Variants in CASZ1 observed in about 807,000 individuals in gnomAD.
CASZ1 encodes castor zinc finger 1, also known as zinc finger protein castor homolog 1.
CASZ1 carries 28 observed loss-of-function variants against 135.2 expected under a neutral mutation model. That is an observed-to-expected ratio of 0.21 (90% CI 0.15 to 0.28). The LOEUF (loss-of-function observed/expected upper bound fraction) is 0.28. CASZ1 is among the 10% of genes least tolerant of loss of function. CASZ1 has a pLI of 1.00. For synonymous variants in CASZ1, 1,068 were observed against 1,073.4 expected (o/e 0.99, Z 0.10); for missense variants, 2,161 against 2,453.3 (o/e 0.88, Z 2.52).
Position 10,756,313 on chromosome 1 carries a change from C to T in CASZ1, c.-77+4388G>A, listed in dbSNP as rs185507621. ...ACATCCCCGATGCACCCCCCACCCT[C>T]GCCCCCGCAAGACATCACCGGCCCT... On this transcript the variant is annotated intron_variant, in intron 2 of 20. Coordinates refer to ENST00000377022, the MANE Select transcript of CASZ1 (RefSeq NM_001079843.3). This position sits in a 1 kb window ranked among gnomAD's most constrained non-coding sequence, Gnocchi z 5.9. Among the ~76,000 whole-genome samples, 2 of 152,308 alleles carry T rather than the reference C, an allele frequency of 1.3e-5. No homozygotes were observed. Among genetic ancestry groups the T allele is most frequent in the Admixed American group, 1.3e-4 (2 of 15,302 alleles).
Position 10,725,070 on chromosome 1 carries a change from G to C in CASZ1, c.-76-19526C>G, listed in dbSNP as rs146674281. 0.014 allele frequency among the ~76,000 whole-genome samples: 2,135 copies of C among 152,350 alleles called. 26 individuals carry two copies. The highest frequency in any genetic ancestry group is 0.023 in the Non-Finnish European group (1,533 of 68,016). ...ACGGAGGGAAGCAGCCCTCGCAGAC[G>C]TGCAGGTGGCTGTTCTTCCCTGGAG... On this transcript the variant is annotated intron_variant, in intron 2 of 20. Coordinates refer to ENST00000377022, the MANE Select transcript of CASZ1 (RefSeq NM_001079843.3). The surrounding 1 kb of genome is among the most constrained non-coding windows in gnomAD (Gnocchi z 4.4).
chr1:10,673,714 T>G (rs1284794537), intron 4 of CASZ1, among the ~76,000 whole-genome samples: 2 of 152,162 alleles, frequency 1.3e-5, no homozygotes, highest in Non-Finnish European at 2.9e-5. Context: ...GGCTCTCACC[T>G]CCAGCTCTAG....
intron 8 of CASZ1, 45 bp downstream of exon 8, chr1:10,656,601 T>A (rs755704649): frequency 7.1e-7 from 1 of 1,409,214 alleles, no homozygotes. Flanking sequence ...GCCTCCATGC[T>A]GTGCTGGTGG....
At chr1:10,658,866 C>G (rs996136419) in intron 6 of CASZ1, among the ~76,000 whole-genome samples, 3 of 152,202 alleles carry the variant, frequency 2.0e-5, no homozygotes, top group African/African-American at 7.2e-5. Context: ...ATTCAGGGAG[C>G]ATCAGGAGGC....
intron 17 of CASZ1, 142 bp from the exon 18 acceptor site, chr1:10,645,230 A>G: frequency 1.3e-6 from 1 of 761,462 alleles, no homozygotes; most frequent in Admixed American, 2.9e-5. Flanking sequence ...CACCTTTCAC[A>G]TGTTAAAAAG....
intron 2 of CASZ1, among the ~76,000 whole-genome samples, chr1:10,753,712 C>A (rs1357799013): frequency 5.3e-5 from 8 of 152,210 alleles, no homozygotes; most frequent in African/African-American, 1.7e-4. Flanking sequence ...TCCAGACAGA[C>A]CCCTCTGTGC....
intron 1 of CASZ1, among the ~76,000 whole-genome samples, chr1:10,771,221 T>C (rs1488074438): frequency 6.6e-6 from 1 of 151,652 alleles, no homozygotes; most frequent in East Asian, 1.9e-4. Flanking sequence ...GGCAGCTTGT[T>C]TTTCCCTTGA....
At chr1:10,702,717 A>G (rs1412656947) in intron 3 of CASZ1, among the ~76,000 whole-genome samples, 2 of 152,054 alleles carry the variant, frequency 1.3e-5, no homozygotes, top group African/African-American at 4.8e-5. Flanking sequence ...CCACTGCCCC[A>G]CCCCTGCCAG....
chr1:10,668,178 C>T (rs1397802844), intron 4 of CASZ1, among the ~76,000 whole-genome samples: 1 of 152,066 alleles, frequency 6.6e-6, no homozygotes, highest in South Asian at 2.1e-4. Flanking sequence ...AACAGGGGTG[C>T]GTTGGAGCTG....
intron 3 of CASZ1, among the ~76,000 whole-genome samples, chr1:10,702,961 G>A (rs201569480): frequency 8.1e-6 from 1 of 124,218 alleles, no homozygotes; most frequent in East Asian, 2.9e-4. Context: ...AGAGGGAGAG[G>A]CAGAGAGAGA....
chr1:10,714,786 CCTGT>C (rs1639347515), intron 2 of CASZ1, among the ~76,000 whole-genome samples: 1 of 152,212 alleles, frequency 6.6e-6, no homozygotes, highest in Non-Finnish European at 1.5e-5. Flanking sequence ...ATTTATTCCT[CCTGT>C]CTGTCTCCAG....
At chr1:10,744,397 C>CAGGGGAA (rs1639999931) in intron 2 of CASZ1, among the ~76,000 whole-genome samples, 2 of 129,076 alleles carry the variant, frequency 1.5e-5, no homozygotes, top group East Asian at 2.4e-4. Flanking sequence ...GTCCTGGGCA[C>CAGGGGAA]CACGAGCAGG....
intron 2 of CASZ1, among the ~76,000 whole-genome samples, chr1:10,758,585 G>A (rs760422499): frequency 9.9e-5 from 15 of 152,186 alleles, no homozygotes; most frequent in Non-Finnish European, 2.1e-4. Flanking sequence ...GTCTGCCTCA[G>A]CCTCCCAAAG....
intron 1 of CASZ1, among the ~76,000 whole-genome samples, chr1:10,773,860 G>A (rs1038679442): frequency 6.6e-6 from 1 of 152,246 alleles, no homozygotes; most frequent in Non-Finnish European, 1.5e-5. Flanking sequence ...GGGCTGATAT[G>A]CGCTGAGAAG....
At chr1:10,781,023 C>T (rs1640753749) in intron 1 of CASZ1, among the ~76,000 whole-genome samples, 1 of 152,186 alleles carries the variant, frequency 6.6e-6, no homozygotes, top group African/African-American at 2.4e-5. Context: ...AGGCAAGACC[C>T]TTCTCCTGCA....
chr1:10,681,943 T>A (rs1402204526), intron 4 of CASZ1, among the ~76,000 whole-genome samples: 2 of 152,208 alleles, frequency 1.3e-5, no homozygotes, highest in African/African-American at 4.8e-5. Context: ...CCCCAGTTGT[T>A]CGAACATTTC....
Position 10,653,859 on chromosome 1 carries a change from C to G in CASZ1, c.2198G>C (p.Ser733Thr), listed in dbSNP as rs1436125279. ...GGAGGCGCTCAGGCTGGAGTTCTTG[C>G]TGCTCAGGGCGGAGAAGTCAACAAG... ...DDLVDFSALS[S>T]KNSSLSASPT... Residue 733 changes from serine to threonine, a missense_variant, in exon 11 of 21, where the codon AGC (serine) becomes ACC (threonine). Around this residue, in one of 7 missense-constraint regions of CASZ1, gnomAD observed 406 missense variants for 387.6 expected, o/e 1.05. Coordinates refer to ENST00000377022, the MANE Select transcript of CASZ1 (RefSeq NM_001079843.3). 3.1e-6 allele frequency: 5 copies of G among 1,610,596 alleles called. No homozygotes were observed. Among genetic ancestry groups the G allele is most frequent in the Non-Finnish European group, 4.2e-6 (5 of 1,177,674 alleles).
Position 10,755,513 on chromosome 1 carries a change from C to A in CASZ1, c.-77+5188G>T, listed in dbSNP as rs1240194179. Among the ~76,000 whole-genome samples the A allele has an allele frequency of 3.3e-5, 5 of 152,146 alleles. No homozygotes were observed. The South Asian group carries it at 1.0e-3, about 32-fold the overall frequency. On this transcript the variant is annotated intron_variant, in intron 2 of 20. Coordinates refer to ENST00000377022, the MANE Select transcript of CASZ1 (RefSeq NM_001079843.3). The surrounding 1 kb of genome is among the most constrained non-coding windows in gnomAD (Gnocchi z 4.3). ...GTTGTCCCATCCTTTGGATCAACTG[C>A]GTCACCCGCCGAGAAGTCCCCCGAG...
chr1:10,639,142 C>A lies in CASZ1; in HGVS notation c.5080G>T (p.Asp1694Tyr). 1 of 1,116,690 alleles carries A rather than the reference C, an allele frequency of 9.0e-7. No homozygotes were observed. 69.2% of individuals were successfully genotyped at this position (1,116,690 alleles called of 1,614,324 possible). Residue 1694 changes from aspartate to tyrosine, a missense_variant, in exon 21 of 21, where the codon GAC (aspartate) becomes TAC (tyrosine). By Grantham distance (160) the Asp-to-Tyr change is radical. Transcript: ENST00000377022. The surrounding 1 kb of genome is among the most constrained non-coding windows in gnomAD (Gnocchi z 4.0). ...LPEEEAEDDE[D>Y]EDDDEDDDDE... ...TCGTCGTCCTCGTCGTCGTCCTCGT[C>A]CTCGTCGTCTTCGGCCTCCTCCTCC...
Sources: gnomAD v4.1 joint callset for allele counts (sites outside exome capture counted in the v4.1 genomes callset) on GRCh38, gnomAD v4.1.1 for gene constraint, gnomAD v4.1.1 regional missense constraint, Gnocchi (gnomAD v3.1) non-coding constraint, MANE v1.5 for transcripts, NCBI Gene and HGNC (gene_info 2026-07-23, HGNC 2026-07-21) for gene names.